The following FGD4 variants were observed in gnomAD, a reference collection of about 807,000 sequenced individuals.
FGD4 encodes the protein FYVE, RhoGEF and PH domain containing 4.
Under a neutral mutation model 102.0 loss-of-function variants are expected in FGD4, and 42 were observed. That is an observed-to-expected ratio of 0.41 (90% CI 0.32 to 0.53). The LOEUF (loss-of-function observed/expected upper bound fraction) is 0.53, where lower values mean the gene tolerates loss of function less well. Among genes scored for constraint, FGD4 ranks in the 20% least tolerant of loss-of-function variants. The pLI is 0.21. For missense variants in FGD4, 902 were observed against 1,078.2 expected (o/e 0.84, Z 2.29); for synonymous variants, 380 against 375.7 (o/e 1.01, Z -0.13).
At chr12:32,512,958 G>C (rs538294202) in intron 1 of FGD4, among the ~76,000 whole-genome samples, 1 of 152,306 alleles carries the variant, frequency 6.6e-6, no homozygotes, top group East Asian at 1.9e-4. Context: ...AAGTTAGGTA[G>C]ATTTATATAC....
intron 1 of FGD4, among the ~76,000 whole-genome samples, chr12:32,407,383 C>T (rs1433259717): frequency 6.6e-6 from 1 of 152,092 alleles, no homozygotes; most frequent in Admixed American, 6.6e-5. Flanking sequence ...GCCTTAGCCT[C>T]CCAAAGTGCT....
At chr12:32,601,536 T>A (rs1435589601) in intron 6 of FGD4, 113 bp downstream of exon 6, 3 of 1,283,464 alleles carry the variant, frequency 2.3e-6, no homozygotes, top group Admixed American at 2.7e-5. Context: ...TTATGCTAAA[T>A]TTTTACATTA....
At position 32,599,534 on chromosome 12, in the gene FGD4, C is replaced by CTTTTTTTTTTTTTTTTTTTTTTTT. The variant is rs764106230; in HGVS notation, c.1101+955_1101+978dup. Among the ~76,000 whole-genome samples, 5 of 35,352 alleles carry CTTTTTTTTTTTTTTTTTTTTTTTT rather than the reference C, an allele frequency of 1.4e-4. 1 individual carries two copies. Among genetic ancestry groups the CTTTTTTTTTTTTTTTTTTTTTTTT allele is most frequent in the African/African-American group, 5.1e-4 (4 of 7,900 alleles). 23.2% of individuals were successfully genotyped at this position (35,352 alleles called of 152,430 possible). A position where few individuals can be genotyped will look rare whatever the true frequency, so the allele number is the denominator to read the frequency against. On this transcript the variant is annotated intron_variant, in intron 5 of 16. Transcript: ENST00000534526. ...GAATAACTTTTGAAAACTAAGGCAT[C>CTTTTTTTTTTTTTTTTTTTTTTTT]TTTTTTTTTTTTTTTTTTTTTTTTT...
chr12:32,631,232 A>G (rs1403519867), intron 14 of FGD4, among the ~76,000 whole-genome samples: 1 of 152,184 alleles, frequency 6.6e-6, no homozygotes, highest in Non-Finnish European at 1.5e-5. Context: ...AAAGTGAGGA[A>G]CAAACTATGG....
At chr12:32,440,313 G>C (rs568207034) in intron 1 of FGD4, among the ~76,000 whole-genome samples, 125 of 152,342 alleles carry the variant, frequency 8.2e-4, no homozygotes, top group African/African-American at 3.0e-3. Context: ...TCAGGTATTT[G>C]AAAGGATGTG....
intron 1 of FGD4, among the ~76,000 whole-genome samples, chr12:32,512,128 G>C (rs1465998598): frequency 6.6e-6 from 1 of 152,070 alleles, no homozygotes; most frequent in Non-Finnish European, 1.5e-5. Flanking sequence ...TAAACTGAAA[G>C]TTGTGGCTTG....
chr12:32,476,663 G>C (rs1290648467), intron 1 of FGD4, among the ~76,000 whole-genome samples: 1 of 151,948 alleles, frequency 6.6e-6, no homozygotes, highest in African/African-American at 2.4e-5. Flanking sequence ...AAGCTGAAGT[G>C]GATGGATCAC....
intron 1 of FGD4, among the ~76,000 whole-genome samples, chr12:32,522,870 G>C (rs1217638614): frequency 6.6e-6 from 1 of 152,246 alleles, no homozygotes; most frequent in Admixed American, 6.5e-5. Context: ...GAACACTTCT[G>C]TAAACCACAG....
At chr12:32,449,301 C>T (rs1031842399) in intron 1 of FGD4, among the ~76,000 whole-genome samples, 14 of 152,196 alleles carry the variant, frequency 9.2e-5, no homozygotes, top group Non-Finnish European at 1.8e-4. Flanking sequence ...TCCCAGATCC[C>T]ATTTAAAGTT....
intron 1 of FGD4, among the ~76,000 whole-genome samples, chr12:32,561,070 GTTTTGTTTTT>G (rs1056865489): frequency 1.8e-4 from 16 of 90,814 alleles, no homozygotes; most frequent in African/African-American, 4.2e-4. Context: ...TCTTTGTTGG[GTTTTGTTTTT>G]TTTTTTTTTT....
chr12:32,444,889 G>A (rs571589331), intron 1 of FGD4, among the ~76,000 whole-genome samples: 67 of 152,282 alleles, frequency 4.4e-4, no homozygotes, highest in African/African-American at 1.6e-3. Context: ...CTACCAAATT[G>A]TGTAATGAAT....
chr12:32,593,236 T>C (rs768356747), intron 4 of FGD4, among the ~76,000 whole-genome samples: 3 of 152,210 alleles, frequency 2.0e-5, no homozygotes, highest in Non-Finnish European at 4.4e-5. Context: ...TGGCATACAA[T>C]AATCAGTGAA....
At chr12:32,625,152 C>A in intron 13 of FGD4, 84 bp downstream of exon 13, 2 of 1,188,296 alleles carry the variant, frequency 1.7e-6, no homozygotes, top group Non-Finnish European at 2.5e-6. Context: ...TGTTCTCCAA[C>A]CTTTTCCCTT....
chr12:32,579,039 G>GTTTT (rs35186090), intron 3 of FGD4, among the ~76,000 whole-genome samples: 2,709 of 66,086 alleles, frequency 0.041, 255 homozygotes, highest in African/African-American at 0.067. Flanking sequence ...AACATTAGTG[G>GTTTT]TTTTTTTTTT....
intron 1 of FGD4, among the ~76,000 whole-genome samples, chr12:32,436,819 A>G (rs1168849064): frequency 6.6e-6 from 1 of 152,120 alleles, no homozygotes; most frequent in Non-Finnish European, 1.5e-5. Flanking sequence ...CCCTGCATAT[A>G]AAAAACAAAA....
At chr12:32,570,483 C>T (rs1436693549) in intron 2 of FGD4, among the ~76,000 whole-genome samples, 2 of 151,546 alleles carry the variant, frequency 1.3e-5, no homozygotes, top group Non-Finnish European at 2.9e-5. Flanking sequence ...TGTCTATTGC[C>T]CAGGCTGGAG....
At chr12:32,598,697 G>T in intron 5 of FGD4, 111 bp downstream of exon 5, 1 of 870,012 alleles carries the variant, frequency 1.1e-6, no homozygotes. Flanking sequence ...TTTTTGGCTA[G>T]TGAAAGGTAC....
intron 1 of FGD4, among the ~76,000 whole-genome samples, chr12:32,531,340 CT>C (rs1301663559): frequency 2.0e-5 from 3 of 151,998 alleles, no homozygotes; most frequent in African/African-American, 7.3e-5. Context: ...AAAATTCAAC[CT>C]CTTTAGGGTA....
intron 7 of FGD4, among the ~76,000 whole-genome samples, chr12:32,603,153 T>C (rs1948535371): frequency 6.6e-6 from 1 of 152,224 alleles, no homozygotes; most frequent in Non-Finnish European, 1.5e-5. Context: ...GAGTCTATAA[T>C]ACAGTGCTAC....
Sources: allele counts gnomAD v4.1 joint callset (sites outside exome capture counted in the v4.1 genomes callset), GRCh38; gene constraint gnomAD v4.1.1; transcripts MANE v1.5; gene names NCBI Gene and HGNC (gene_info 2026-07-23, HGNC 2026-07-21).